SLC4A10: variants seen among roughly 807,000 people sequenced by gnomAD.
The protein encoded by SLC4A10 is sodium-driven chloride bicarbonate exchanger.
Under a neutral mutation model 137.7 loss-of-function variants are expected in SLC4A10, and 42 were observed. The observed-to-expected ratio is 0.30, with a 90% CI of 0.24 to 0.39. The LOEUF (loss-of-function observed/expected upper bound fraction) is 0.39, where lower values mean the gene tolerates loss of function less well. Among genes scored for constraint, SLC4A10 ranks in the 10% least tolerant of loss-of-function variants. The probability of loss-of-function intolerance (pLI) is 1.00; values close to 1 mark genes in which losing one functional copy is unlikely to be tolerated. For synonymous variants in SLC4A10, 474 were observed against 464.1 expected, an observed-to-expected ratio of 1.02 and a Z score of -0.27; for missense variants, 925 against 1,355.0, an observed-to-expected ratio of 0.68 and a Z score of 4.98.
At chr2:161,790,626 C>A (rs2054096169) in intron 2 of SLC4A10, among the ~76,000 whole-genome samples, 1 of 152,118 alleles carries the variant, frequency 6.6e-6, no homozygotes, top group African/African-American at 2.4e-5. Flanking sequence ...TAATACTGAA[C>A]ATTTTATTTC....
intron 15 of SLC4A10, among the ~76,000 whole-genome samples, chr2:161,933,211 CTT>C (rs1239843143): frequency 1.2e-4 from 14 of 120,230 alleles, no homozygotes; most frequent in Admixed American, 3.5e-4. Context: ...TTCTTTCTTT[CTT>C]TCTTTCTTTC....
chr2:161,933,048 A>C (rs1690704392), intron 15 of SLC4A10, among the ~76,000 whole-genome samples: 1 of 152,130 alleles, frequency 6.6e-6, no homozygotes, highest in Non-Finnish European at 1.5e-5. Flanking sequence ...AAAATGACAG[A>C]ATTTTGTTCC....
chr2:161,779,957 T>G (rs895606279), intron 2 of SLC4A10, among the ~76,000 whole-genome samples: 1 of 152,060 alleles, frequency 6.6e-6, no homozygotes, highest in South Asian at 2.1e-4. Flanking sequence ...ATGGTAGAGT[T>G]GAGTAGTTGT....
intron 1 of SLC4A10, among the ~76,000 whole-genome samples, chr2:161,680,413 G>A (rs1327164474): frequency 1.3e-5 from 2 of 152,118 alleles, no homozygotes; most frequent in Admixed American, 1.3e-4. Context: ...AACATTGTGT[G>A]TACAGGGAAT....
At chr2:161,802,461 A>G (rs1447519378) in intron 2 of SLC4A10, among the ~76,000 whole-genome samples, 1 of 152,160 alleles carries the variant, frequency 6.6e-6, no homozygotes, top group African/African-American at 2.4e-5. Context: ...TTATTTTAGT[A>G]GAATTCAGTT....
intron 26 of SLC4A10, among the ~76,000 whole-genome samples, chr2:161,979,234 G>A (rs1468892020): frequency 1.3e-5 from 2 of 152,178 alleles, no homozygotes; most frequent in Non-Finnish European, 2.9e-5. Context: ...CTTGTGACGT[G>A]ATATTTTAGC....
chr2:161,765,608 C>CAA (rs370721653), intron 1 of SLC4A10, among the ~76,000 whole-genome samples: 3,581 of 93,086 alleles, frequency 0.038, 93 homozygotes, highest in African/African-American at 0.068. Context: ...GAGCAAGACT[C>CAA]AAAAAAAAAA....
At position 161,957,144 on chromosome 2, in the gene SLC4A10, A is replaced by G; in HGVS notation, c.2697A>G (p.Glu899=). Residue 899 remains glutamate (E), a synonymous_variant, in exon 20 of 27, where the codon GAA becomes GAG. Coordinates refer to ENST00000446997, the MANE Select transcript of SLC4A10 (RefSeq NM_001178015.2). ...KLESECSAPG[E]QPKFLGIREQ... ...AATCAGAATGCTCAGCTCCAGGAGA[A>G]CAACCCAAATTTCTCGGCATTCGGG... 1 of 1,613,836 alleles carries G rather than the reference A, an allele frequency of 6.2e-7. No homozygotes were observed. The highest frequency in any genetic ancestry group is 8.5e-7 in the Non-Finnish European group (1 of 1,179,844).
chr2:161,839,644 G>T, intron 3 of SLC4A10, 145 bp from the exon 4 acceptor site: 1 of 697,922 alleles, frequency 1.4e-6, no homozygotes, highest in Non-Finnish European at 2.2e-6. Flanking sequence ...GTTTGATTTG[G>T]ATGAGTGTTG....
intron 9 of SLC4A10, 100 bp downstream of exon 9, chr2:161,879,388 A>C: frequency 7.9e-7 from 1 of 1,271,972 alleles, no homozygotes; most frequent in Non-Finnish European, 1.1e-6. Flanking sequence ...TTTTGACTAG[A>C]AACTAATGTG....
At chr2:161,804,828 G>C (rs1348846889) in intron 3 of SLC4A10, among the ~76,000 whole-genome samples, 1 of 152,068 alleles carries the variant, frequency 6.6e-6, no homozygotes, top group Non-Finnish European at 1.5e-5. Context: ...AAATACAATT[G>C]AGTAAAGCTC....
intron 1 of SLC4A10, among the ~76,000 whole-genome samples, chr2:161,660,404 T>A (rs1371714754): frequency 6.6e-6 from 1 of 152,188 alleles, no homozygotes; most frequent in Non-Finnish European, 1.5e-5. Flanking sequence ...AATATAGTTA[T>A]GTATTGATGA....
chr2:161,836,457 C>T (rs1173171450), intron 3 of SLC4A10, among the ~76,000 whole-genome samples: 2 of 150,038 alleles, frequency 1.3e-5, no homozygotes, highest in East Asian at 2.0e-4. Flanking sequence ...GAGATCACAC[C>T]ACTGCACTCC....
At chr2:161,819,440 T>A (rs1449637) in intron 3 of SLC4A10, among the ~76,000 whole-genome samples, 39,527 of 151,876 alleles carry the variant, frequency 0.26, 7,608 homozygotes, top group African/African-American at 0.55. Flanking sequence ...TGTGATGATG[T>A]TTAATTAATT....
In SLC4A10 at chr2:161,920,919, C is replaced by T. The variant is rs76434356; in HGVS notation, c.1997+15032C>T. On this transcript the variant is annotated intron_variant, in intron 15 of 26. Coordinates refer to ENST00000446997, the MANE Select transcript of SLC4A10 (RefSeq NM_001178015.2). Reference sequence around the variant, plus strand: ...TAAAATGAATACAATATGGTCCCTACTCTGAAAGACCTTAGTGATTATCAG... The same window carrying T: ...TAAAATGAATACAATATGGTCCCTATTCTGAAAGACCTTAGTGATTATCAG... 3.7e-4 allele frequency among the ~76,000 whole-genome samples: 56 copies of T among 152,354 alleles called. No individual in the cohort carries two copies. In the East Asian group the frequency reaches 9.4e-3, roughly 26 times the overall value.
chr2:161,760,490 C>A (rs145339136), intron 1 of SLC4A10, among the ~76,000 whole-genome samples: 3,145 of 152,046 alleles, frequency 0.021, 49 homozygotes, highest in Middle Eastern at 0.037. Flanking sequence ...TAAGGAGAAC[C>A]AAATCACTAG....
At chr2:161,901,248 C>T in intron 12 of SLC4A10, 1 of 377,584 alleles carries the variant, frequency 2.6e-6, no homozygotes, top group South Asian at 3.8e-5. Context: ...TTTTGCTGTG[C>T]ATAAAATGCA....
intron 18 of SLC4A10, among the ~76,000 whole-genome samples, 179 bp downstream of exon 18, chr2:161,949,440 A>T (rs982927367): frequency 6.6e-6 from 1 of 151,918 alleles, no homozygotes; most frequent in African/African-American, 2.4e-5. Context: ...AAATATAAGA[A>T]TTACAAAATA....
At chr2:161,966,023 G>A (rs912504169) in intron 23 of SLC4A10, among the ~76,000 whole-genome samples, 10 of 152,112 alleles carry the variant, frequency 6.6e-5, no homozygotes, top group Non-Finnish European at 1.0e-4. Flanking sequence ...TTCTCTATAA[G>A]TAGTCAGTAA....
Sources: allele counts gnomAD v4.1 joint callset (sites outside exome capture counted in the v4.1 genomes callset), GRCh38; gene constraint gnomAD v4.1.1; transcripts MANE v1.5; gene names NCBI Gene and HGNC (gene_info 2026-07-23, HGNC 2026-07-21).